The following SHISA9 variants were observed in gnomAD, a reference collection of about 807,000 sequenced individuals.
SHISA9 encodes protein shisa-9.
SHISA9 carries 13 observed loss-of-function variants against 38.0 expected under a neutral mutation model. The observed-to-expected ratio is 0.34, with a 90% confidence interval of 0.22 to 0.54. The LOEUF (loss-of-function observed/expected upper bound fraction) is 0.54. Among genes scored for constraint, SHISA9 ranks in the 20% least tolerant of loss-of-function variants. The pLI is 0.91. For synonymous variants in SHISA9, 275 were observed against 242.0 expected (o/e 1.14, Z -1.27); for missense variants, 538 against 575.8 (o/e 0.93, Z 0.67).
Position 12,962,611 on chromosome 16 carries a change from T to C in SHISA9, c.691+45796T>C, listed in dbSNP as rs186068182. ...GCCCCATTGGGACATAGTAAGAAGG[T>C]GTCATCTGCAAAACAGGAGGGGAGC... is the stretch of plus-strand genomic sequence containing the variant. On this transcript the variant is annotated intron_variant, in intron 2 of 4. Transcript: ENST00000558583. Among the ~76,000 whole-genome samples the C allele has an allele frequency of 6.6e-3, 1,004 of 152,238 alleles. 11 individuals are homozygous for C. Among genetic ancestry groups the C allele is most frequent in the Non-Finnish European group, 0.011 (746 of 68,004 alleles).
At chr16:13,311,745 T>A in the SHISA9 span, among the ~76,000 whole-genome samples, 1 of 152,234 alleles carries the variant, frequency 6.6e-6, no homozygotes, top group African/African-American at 2.4e-5. Context: ...CAGTGTTATG[T>A]GGCAGGTAGG....
the SHISA9 span, among the ~76,000 whole-genome samples, chr16:13,351,322 C>T: frequency 6.6e-6 from 1 of 152,306 alleles, no homozygotes; most frequent in South Asian, 2.1e-4. Context: ...CAGCTGCTCC[C>T]AGGTAAACAT....
At chr16:13,385,954 T>TG in the SHISA9 span, among the ~76,000 whole-genome samples, 1 of 152,136 alleles carries the variant, frequency 6.6e-6, no homozygotes, top group Non-Finnish European at 1.5e-5. Context: ...CAAAATTAGA[T>TG]GAGTGGTGGC....
At chr16:13,013,342 C>G (rs889942539) in intron 2 of SHISA9, among the ~76,000 whole-genome samples, 2 of 152,152 alleles carry the variant, frequency 1.3e-5, no homozygotes, top group African/African-American at 4.8e-5. Flanking sequence ...TGTTTCTTAG[C>G]CTGGGGCCTG....
the SHISA9 span, among the ~76,000 whole-genome samples, chr16:13,470,024 G>T: frequency 0.31 from 46,710 of 151,994 alleles, 7,367 homozygotes; most frequent in East Asian, 0.39. Flanking sequence ...TTCTCTCTTC[G>T]TGATGGAATC....
intron 2 of SHISA9, among the ~76,000 whole-genome samples, chr16:12,919,586 A>T (rs2071302195): frequency 6.6e-6 from 1 of 152,226 alleles, no homozygotes; most frequent in South Asian, 2.1e-4. Context: ...AAATGGTAAG[A>T]TAATAGCCAG....
At chr16:13,500,809 G>A in the SHISA9 span, among the ~76,000 whole-genome samples, 1,812 of 152,264 alleles carry the variant, frequency 0.012, 13 homozygotes, top group Middle Eastern at 0.024. Flanking sequence ...GAAGCTTATT[G>A]GATTAATATA....
chr16:13,532,548 C>CGTGT, the SHISA9 span, among the ~76,000 whole-genome samples: 11 of 80,668 alleles, frequency 1.4e-4, no homozygotes, highest in Admixed American at 3.7e-4. Context: ...ATACTATGTG[C>CGTGT]GTGTGTGTAT....
At chr16:13,028,227 T>C (rs1386507935) in intron 2 of SHISA9, among the ~76,000 whole-genome samples, 1 of 152,146 alleles carries the variant, frequency 6.6e-6, no homozygotes, top group Admixed American at 6.5e-5. Context: ...TCAATAAACG[T>C]TATTTAAGAA....
chr16:12,945,204 G>A (rs1283696620), intron 2 of SHISA9, among the ~76,000 whole-genome samples: 1 of 152,170 alleles, frequency 6.6e-6, no homozygotes, highest in Non-Finnish European at 1.5e-5. Context: ...ACTCTTGAGT[G>A]TGGAGGTGAG....
chr16:13,518,488 C>T, the SHISA9 span, among the ~76,000 whole-genome samples: 1 of 152,250 alleles, frequency 6.6e-6, no homozygotes, highest in Admixed American at 6.5e-5. Context: ...CTCAATCTAT[C>T]TTGCTGATTT....
intron 2 of SHISA9, among the ~76,000 whole-genome samples, chr16:12,953,136 C>T (rs1022321125): frequency 1.3e-5 from 2 of 151,214 alleles, no homozygotes; most frequent in Non-Finnish European, 2.9e-5. Context: ...CAGGGGACAT[C>T]TCTTTGAGGA....
At chr16:13,007,149 C>T (rs779338748) in intron 2 of SHISA9, among the ~76,000 whole-genome samples, 3 of 152,186 alleles carry the variant, frequency 2.0e-5, no homozygotes, top group African/African-American at 7.2e-5. Flanking sequence ...CTAGGAACTT[C>T]AACCTCCCAC....
At chr16:13,477,722 T>C in the SHISA9 span, among the ~76,000 whole-genome samples, 1 of 152,206 alleles carries the variant, frequency 6.6e-6, no homozygotes, top group Non-Finnish European at 1.5e-5. Context: ...CCCAGCATTT[T>C]GGGAGGCCGA....
intron 2 of SHISA9, among the ~76,000 whole-genome samples, chr16:13,017,571 A>G (rs773949719): frequency 6.6e-6 from 1 of 151,126 alleles, no homozygotes; most frequent in Non-Finnish European, 1.5e-5. Flanking sequence ...ATCAACAACA[A>G]TAATTCGTTG....
At chr16:13,544,287 A>T in the SHISA9 span, among the ~76,000 whole-genome samples, 1 of 148,870 alleles carries the variant, frequency 6.7e-6, no homozygotes, top group South Asian at 2.1e-4. Context: ...TATATCTTAT[A>T]GATAAGGAAA....
Position 13,008,691 on chromosome 16 carries a change from C to G in SHISA9, c.691+91876C>G, listed in dbSNP as rs1052787520. Among the ~76,000 whole-genome samples the G allele has an allele frequency of 1.3e-4, 16 of 127,592 alleles. No individual in the cohort carries two copies. The East Asian group carries it at 4.1e-3, about 33-fold the overall frequency. The allele number at this position is 127,592 out of a possible 152,430, so 83.7% of individuals were successfully genotyped here. A position where few individuals can be genotyped will look rare whatever the true frequency, so the allele number is the denominator to read the frequency against. ...CCTCCCTCCCTCCCTCTCTCTCTCTCTCTTTCCTGGCACCTTGTAAGATAT... is the reference window on the plus strand; with the variant it reads ...CCTCCCTCCCTCCCTCTCTCTCTCTGTCTTTCCTGGCACCTTGTAAGATAT... On this transcript the variant is annotated intron_variant, in intron 2 of 4. Coordinates refer to ENST00000558583, the MANE Select transcript of SHISA9 (RefSeq NM_001145204.3).
chr16:13,523,126 T>C, the SHISA9 span, among the ~76,000 whole-genome samples: 2 of 152,050 alleles, frequency 1.3e-5, no homozygotes, highest in African/African-American at 4.8e-5. Context: ...GGCGGGCAGA[T>C]CACCTGACAT....
intron 2 of SHISA9, among the ~76,000 whole-genome samples, chr16:13,097,560 C>T (rs1319606634): frequency 1.3e-5 from 2 of 152,004 alleles, no homozygotes; most frequent in African/African-American, 4.8e-5. Context: ...GCCATCATGC[C>T]CAGCTATTTC....
Sources: gnomAD v4.1 joint callset for allele counts (sites outside exome capture counted in the v4.1 genomes callset) on GRCh38, gnomAD v4.1.1 for gene constraint, MANE v1.5 for transcripts, NCBI Gene and HGNC (gene_info 2026-07-23, HGNC 2026-07-21) for gene names.